Variants in ANP32B observed in about 807,000 individuals in gnomAD.
ANP32B encodes acidic nuclear phosphoprotein 32 family member B, also known as acidic leucine-rich nuclear phosphoprotein 32 family member B.
In ANP32B, 6 loss-of-function variants were observed where a neutral mutation model predicts 32.2. The ratio of observed to expected loss-of-function variants is 0.19; its 90% CI spans 0.10 to 0.37. The LOEUF (loss-of-function observed/expected upper bound fraction) is 0.37. ANP32B is among the 10% of genes least tolerant of loss of function. The probability of loss-of-function intolerance (pLI) is 1.00; values close to 1 mark genes in which losing one functional copy is unlikely to be tolerated. For missense variants in ANP32B, 204 were observed against 289.2 expected (o/e 0.71, Z 2.14); for synonymous variants, 98 against 105.8 (o/e 0.93, Z 0.45).
At chr9:98,011,037 C>A (rs532267936) in intron 4 of ANP32B, among the ~76,000 whole-genome samples, 1 of 152,138 alleles carries the variant, frequency 6.6e-6, no homozygotes, top group Non-Finnish European at 1.5e-5. Flanking sequence ...GCCATTGTAT[C>A]ATTTCATCAG....
At chr9:98,002,757 G>A (rs1171171851) in intron 3 of ANP32B, among the ~76,000 whole-genome samples, 2 of 152,182 alleles carry the variant, frequency 1.3e-5, no homozygotes, top group African/African-American at 4.8e-5. Context: ...TGGAGGCCCT[G>A]TGTACTGGAA....
At chr9:97,991,824 C>T (rs780749588) in intron 1 of ANP32B, among the ~76,000 whole-genome samples, 25 of 152,132 alleles carry the variant, frequency 1.6e-4, no homozygotes, top group Non-Finnish European at 2.9e-4. Context: ...ATGTTCAACA[C>T]GAAGGATTGT....
chr9:98,003,108 C>T (rs1270453059), intron 3 of ANP32B, among the ~76,000 whole-genome samples: 4 of 152,284 alleles, frequency 2.6e-5, no homozygotes, highest in African/African-American at 9.6e-5. Flanking sequence ...CTGAAAATTA[C>T]ATGATACAAA....
chr9:98,006,225 C>T (rs1828079779), intron 4 of ANP32B, among the ~76,000 whole-genome samples: 1 of 152,154 alleles, frequency 6.6e-6, no homozygotes, highest in African/African-American at 2.4e-5. Context: ...GCAGACTCAT[C>T]AACCCCTATC....
intron 6 of ANP32B, among the ~76,000 whole-genome samples, chr9:98,014,835 C>T (rs1828247769): frequency 6.6e-6 from 1 of 152,304 alleles, no homozygotes; most frequent in Admixed American, 6.5e-5. Flanking sequence ...TCACTGCAAC[C>T]TCCGCCTTCC....
intron 2 of ANP32B, among the ~76,000 whole-genome samples, chr9:97,997,111 T>G (rs966418280): frequency 1.2e-4 from 18 of 152,252 alleles, no homozygotes; most frequent in African/African-American, 4.3e-4. Flanking sequence ...GTATGTGATA[T>G]TCTAACCACA....
At chr9:97,986,000 T>C (rs1468921064) in intron 1 of ANP32B, among the ~76,000 whole-genome samples, 1 of 152,192 alleles carries the variant, frequency 6.6e-6, no homozygotes, top group African/African-American at 2.4e-5. Context: ...TTTGTATTTT[T>C]AGTAGAGGCG....
chr9:98,006,052 G>A (rs1030114533), intron 4 of ANP32B, among the ~76,000 whole-genome samples: 1 of 152,138 alleles, frequency 6.6e-6, no homozygotes, highest in Non-Finnish European at 1.5e-5. Context: ...GGGCTAGGTT[G>A]TGTGCTCCTT....
intron 1 of ANP32B, chr9:97,987,607 A>G (rs1209321147): frequency 2.0e-5 from 3 of 152,270 alleles, no homozygotes; most frequent in Non-Finnish European, 4.4e-5. Flanking sequence ...ATCTGGGGAC[A>G]GTCAGCCTTC....
chr9:98,012,052 A>G (rs990259443), intron 5 of ANP32B, among the ~76,000 whole-genome samples: 2 of 152,212 alleles, frequency 1.3e-5, no homozygotes, highest in African/African-American at 4.8e-5. Flanking sequence ...CATTAGGTGT[A>G]TGATTGACAT....
chr9:97,993,467 CT>C (rs1470484454), intron 1 of ANP32B, among the ~76,000 whole-genome samples: 5 of 152,062 alleles, frequency 3.3e-5, no homozygotes, highest in Non-Finnish European at 5.9e-5. Context: ...AAAAGAATGC[CT>C]TTGTTGGTGC....
At chr9:98,014,581 T>A (rs886304831) in intron 6 of ANP32B, among the ~76,000 whole-genome samples, 6 of 152,180 alleles carry the variant, frequency 3.9e-5, no homozygotes, top group African/African-American at 1.4e-4. Context: ...ACAATTTGAG[T>A]CTTAATGATG....
intron 5 of ANP32B, among the ~76,000 whole-genome samples, chr9:98,011,994 G>T (rs935601478): frequency 6.6e-6 from 1 of 152,158 alleles, no homozygotes; most frequent in African/African-American, 2.4e-5. Context: ...TTAACAAAAC[G>T]CATCCTCTTT....
At chr9:97,991,126 C>CTT (rs566405365) in intron 1 of ANP32B, among the ~76,000 whole-genome samples, 12 of 144,486 alleles carry the variant, frequency 8.3e-5, no homozygotes, top group Middle Eastern at 3.7e-3. Context: ...CCCAGCCAAA[C>CTT]TTTTTTTTTT....
intron 1 of ANP32B, among the ~76,000 whole-genome samples, chr9:97,988,939 C>T (rs930255302): frequency 6.6e-6 from 1 of 152,174 alleles, no homozygotes; most frequent in Non-Finnish European, 1.5e-5. Context: ...TTTAATTCCT[C>T]CATACCCTTT....
chr9:98,010,989 C>T (rs1828173529), intron 4 of ANP32B, among the ~76,000 whole-genome samples: 1 of 152,140 alleles, frequency 6.6e-6, no homozygotes, highest in Non-Finnish European at 1.5e-5. Flanking sequence ...ATACCCTTAC[C>T]TTCTTCCCCA....
intron 1 of ANP32B, among the ~76,000 whole-genome samples, chr9:97,990,048 C>A (rs1827797728): frequency 6.6e-6 from 1 of 152,134 alleles, no homozygotes; most frequent in Non-Finnish European, 1.5e-5. Flanking sequence ...AAAGAAAGAC[C>A]ACTCATACCT....
chr9:98,013,897 A>G (rs978483992), intron 6 of ANP32B, among the ~76,000 whole-genome samples: 2 of 152,086 alleles, frequency 1.3e-5, no homozygotes, highest in Non-Finnish European at 2.9e-5. Flanking sequence ...GTGCACACCT[A>G]TAGTCCCAGC....
chr9:98,004,004 T>A (rs1169291035), intron 3 of ANP32B, among the ~76,000 whole-genome samples: 1 of 152,230 alleles, frequency 6.6e-6, no homozygotes, highest in Non-Finnish European at 1.5e-5. Context: ...GTCTCCTGAC[T>A]TGCCTATAGT....
Sources: gnomAD v4.1 joint callset for allele counts (sites outside exome capture counted in the v4.1 genomes callset) on GRCh38, gnomAD v4.1.1 for gene constraint, MANE v1.5 for transcripts, NCBI Gene and HGNC (gene_info 2026-07-23, HGNC 2026-07-21) for gene names.